KCNJ6: variants seen among roughly 807,000 people sequenced by gnomAD.
KCNJ6 encodes G protein-activated inward rectifier potassium channel 2.
Under a neutral mutation model 34.2 loss-of-function variants are expected in KCNJ6, and 9 were observed. The observed-to-expected ratio is 0.26, with a 90% confidence interval of 0.16 to 0.46. KCNJ6 has a LOEUF of 0.46. Ranked by LOEUF, KCNJ6 falls within the 20% of genes least tolerant of loss-of-function variation. The probability of loss-of-function intolerance (pLI) is 1.00; values close to 1 mark genes in which losing one functional copy is unlikely to be tolerated. For synonymous variants in KCNJ6, 196 were observed against 207.1 expected, an observed-to-expected ratio of 0.95 and a Z score of 0.46; for missense variants, 236 against 531.3, an observed-to-expected ratio of 0.44 and a Z score of 5.46.
At chr21:37,687,181 T>G (rs927910639) in intron 3 of KCNJ6, among the ~76,000 whole-genome samples, 4 of 152,056 alleles carry the variant, frequency 2.6e-5, no homozygotes, top group African/African-American at 9.7e-5. Flanking sequence ...CTGGGCCTCT[T>G]GGGCCTGGAA....
At chr21:37,630,563 T>G (rs994595048) in intron 3 of KCNJ6, among the ~76,000 whole-genome samples, 2 of 152,176 alleles carry the variant, frequency 1.3e-5, no homozygotes, top group African/African-American at 4.8e-5. Flanking sequence ...GATTTCTGCT[T>G]CCATCATCAT....
intron 2 of KCNJ6, among the ~76,000 whole-genome samples, chr21:37,836,083 A>G (rs894501799): frequency 6.6e-6 from 1 of 152,250 alleles, no homozygotes; most frequent in African/African-American, 2.4e-5. Flanking sequence ...GGTGAAGGAT[A>G]TGAACAGGCA....
rs554190595 is a variant in KCNJ6, at chr21:37,630,554, A to C, written c.947-5070T>G. 5.9e-5 allele frequency among the ~76,000 whole-genome samples: 9 copies of C among 152,210 alleles called. 1 individual carries two copies. In the South Asian group the frequency reaches 1.9e-3, roughly 32 times the overall value. ...GAGTCATTAGAAAAGAAAGTGGGAG[A>C]TTTCTGCTTCCATCATCATGTCAGT... is the stretch of plus-strand genomic sequence containing the variant. On this transcript the variant is annotated intron_variant, in intron 3 of 3. Transcript: ENST00000609713.
chr21:37,838,454 G>A (rs1441969562), intron 2 of KCNJ6, among the ~76,000 whole-genome samples: 1 of 152,166 alleles, frequency 6.6e-6, no homozygotes, highest in African/African-American at 2.4e-5. Flanking sequence ...CATAACTTAT[G>A]TGCAACACCA....
At chr21:37,636,006 T>A (rs1020387214) in intron 3 of KCNJ6, among the ~76,000 whole-genome samples, 2 of 152,170 alleles carry the variant, frequency 1.3e-5, no homozygotes, top group Non-Finnish European at 2.9e-5. Flanking sequence ...ACTATTCACG[T>A]ATTTGGTGGT....
At position 37,618,040 on chromosome 21, in the gene KCNJ6, G is replaced by C. The variant is rs1167206735; in HGVS notation, c.*7119C>G. The C allele has an allele frequency of 6.6e-6, 1 of 152,340 alleles. No individual in the cohort carries two copies. The highest frequency in any genetic ancestry group is 1.5e-5 in the Non-Finnish European group (1 of 68,142). The allele number at this position is 152,340 out of a possible 1,614,324, so 9.4% of individuals were successfully genotyped here. ...AGAGAGACCTCAGTGGGTGGGCATG[G>C]CTGAGGATTTTGTTCTGCCCAAGTC... On this transcript the variant is annotated 3_prime_UTR_variant, in exon 4 of 4. Transcript: ENST00000609713.
chr21:37,766,072 G>A (rs1417561569), intron 2 of KCNJ6, among the ~76,000 whole-genome samples: 1 of 152,128 alleles, frequency 6.6e-6, no homozygotes, highest in Non-Finnish European at 1.5e-5. Flanking sequence ...CTAGTTAGAA[G>A]CTACAGAGTT....
intron 1 of KCNJ6, among the ~76,000 whole-genome samples, chr21:37,897,149 C>G (rs933127): frequency 1.3e-5 from 2 of 152,112 alleles, no homozygotes; most frequent in Non-Finnish European, 2.9e-5. Context: ...ACTGGGTTCT[C>G]TCCATTCTAC....
At chr21:37,797,278 T>C (rs2055248021) in intron 2 of KCNJ6, among the ~76,000 whole-genome samples, 2 of 152,280 alleles carry the variant, frequency 1.3e-5, no homozygotes, top group East Asian at 1.9e-4. Flanking sequence ...TTCCAACTCC[T>C]GACCTCAAGT....
At chr21:37,876,613 TA>T (rs1555852063) in intron 1 of KCNJ6, among the ~76,000 whole-genome samples, 1 of 81,124 alleles carries the variant, frequency 1.2e-5, no homozygotes, top group African/African-American at 1.0e-4. Context: ...AAAACAAATT[TA>T]TGTTATATAT....
intron 1 of KCNJ6, among the ~76,000 whole-genome samples, chr21:37,852,083 G>GA (rs1346909808): frequency 6.6e-6 from 1 of 152,182 alleles, no homozygotes; most frequent in Non-Finnish European, 1.5e-5. Context: ...AAACATTATA[G>GA]AAAAAACAGC....
chr21:37,810,839 A>C (rs1260938553), intron 2 of KCNJ6, among the ~76,000 whole-genome samples: 1 of 152,204 alleles, frequency 6.6e-6, no homozygotes, highest in Non-Finnish European at 1.5e-5. Context: ...CCTGAGCAAT[A>C]GCGGTGCTAA....
Position 37,818,998 on chromosome 21 carries a change from T to C in KCNJ6, c.25+21660A>G, listed in dbSNP as rs529088833. 5.9e-5 allele frequency among the ~76,000 whole-genome samples: 9 copies of C among 152,318 alleles called. No homozygotes were observed. The South Asian group carries it at 1.9e-3, about 32-fold the overall frequency. On this transcript the variant is annotated intron_variant, in intron 2 of 3. Transcript: ENST00000609713. ...GCTAAAAAAATCAAGCCACAAGTAT[T>C]TTCCACAGGTATATTACTTCACCCC...
intron 1 of KCNJ6, among the ~76,000 whole-genome samples, chr21:37,859,142 A>G (rs1476269762): frequency 6.6e-6 from 1 of 152,166 alleles, no homozygotes; most frequent in East Asian, 1.9e-4. Context: ...TAGAGGCTTC[A>G]TGGAAAACAA....
chr21:37,733,277 A>G (rs1316315409), intron 2 of KCNJ6, among the ~76,000 whole-genome samples: 1 of 152,202 alleles, frequency 6.6e-6, no homozygotes, highest in Non-Finnish European at 1.5e-5. Flanking sequence ...CAAAAGGCCT[A>G]TGTTTTGCAC....
Position 37,614,510 on chromosome 21 carries a change from C to CA in KCNJ6, c.*10648_*10649insT, listed in dbSNP as rs1569429218. 2 of 29,146 alleles carry CA rather than the reference C, an allele frequency of 6.9e-5. No homozygotes were observed. Among genetic ancestry groups the CA allele is most frequent in the Admixed American group, 3.8e-4 (1 of 2,608 alleles). The allele number at this position is 29,146 out of a possible 1,614,324, so 1.8% of individuals were successfully genotyped here. On this transcript the variant is annotated 3_prime_UTR_variant, in exon 4 of 4. Transcript: ENST00000609713. ...TCTGTGTGCGTGTATGCATGTGTCT[C>CA]TGTATGCATGTGTGTATGCATGTCT...
chr21:37,644,550 A>T (rs1241237799), intron 3 of KCNJ6, among the ~76,000 whole-genome samples: 3 of 152,186 alleles, frequency 2.0e-5, no homozygotes, highest in Non-Finnish European at 1.5e-5. Context: ...AGGAAATAGA[A>T]CGTGTAAACC....
intron 2 of KCNJ6, among the ~76,000 whole-genome samples, chr21:37,773,469 GTGA>G (rs2055127508): frequency 6.6e-6 from 1 of 152,152 alleles, no homozygotes; most frequent in Non-Finnish European, 1.5e-5. Flanking sequence ...GAGGGAAGGT[GTGA>G]AGTCGCTAAC....
chr21:37,741,055 C>A (rs760744948), intron 2 of KCNJ6, among the ~76,000 whole-genome samples: 10 of 152,312 alleles, frequency 6.6e-5, no homozygotes, highest in East Asian at 3.9e-4. Flanking sequence ...GTGGATGAAG[C>A]GCTCCCTATA....
Sources: gnomAD v4.1 joint callset for allele counts (sites outside exome capture counted in the v4.1 genomes callset) on GRCh38, gnomAD v4.1.1 for gene constraint, MANE v1.5 for transcripts, NCBI Gene and HGNC (gene_info 2026-07-23, HGNC 2026-07-21) for gene names.